Variants in SLC38A10 observed in about 807,000 individuals in gnomAD.
SLC38A10 encodes the protein solute carrier family 38 member 10.
Under a neutral mutation model 81.0 loss-of-function variants are expected in SLC38A10, and 53 were observed. That is an observed-to-expected ratio of 0.65 (90% CI 0.53 to 0.82). The LOEUF (loss-of-function observed/expected upper bound fraction) is 0.82, where lower values mean the gene tolerates loss of function less well. SLC38A10 is among the 40% of genes least tolerant of loss of function. SLC38A10 has a pLI of 0.00. For missense variants in SLC38A10, 1,471 were observed against 1,545.0 expected, an observed-to-expected ratio of 0.95 and a Z score of 0.80; for synonymous variants, 665 against 655.3, an observed-to-expected ratio of 1.01 and a Z score of -0.23.
At chr17:81,262,135 C>T (rs144852287) in intron 10 of SLC38A10, among the ~76,000 whole-genome samples, 173 of 152,276 alleles carry the variant, frequency 1.1e-3, no homozygotes, top group African/African-American at 4.0e-3. Flanking sequence ...AGGTGTGGAA[C>T]GGCCCGCCCA....
In SLC38A10 at chr17:81,276,997, C is replaced by T; in HGVS notation, c.729+34G>A. The T allele has an allele frequency of 6.3e-7, 1 of 1,597,628 alleles. No homozygotes were observed. Among genetic ancestry groups the T allele is most frequent in the Admixed American group, 1.7e-5 (1 of 59,968 alleles). On this transcript the variant is annotated intron_variant, in intron 7 of 15. Coordinates refer to ENST00000374759, the MANE Select transcript of SLC38A10 (RefSeq NM_001037984.3). The surrounding 1 kb of genome is among the most constrained non-coding windows in gnomAD (Gnocchi z 4.7). The stretch of plus-strand genomic sequence containing the variant: ...ACCACGGCACATCATGCTGGCATGA[C>T]ACAGGGGCGGAGAGGGCGTGGCAAG...
rs555293405 is a variant in SLC38A10 at position 81,252,478 on chromosome 17, C to T, written c.1662G>A (p.Gln554=). 5.0e-6 allele frequency: 8 copies of T among 1,613,382 alleles called. No individual in the cohort carries two copies. The highest frequency in any genetic ancestry group is 2.2e-5 in the East Asian group (1 of 44,888). ...DSEREKQEPE[Q]GEVGKRPGQA... ...GTCCAGGCCTCTTCCCAACCTCTCC[C>T]TGCTCCGGCTCTTGTTTCTCTCTTT... The change falls in exon 13 of 16, where the codon CAG becomes CAA. Residue 554 remains glutamine (Q), a synonymous_variant. Transcript: ENST00000374759.
In SLC38A10 at chr17:81,246,333, T is replaced by G. The variant is rs1567920054; in HGVS notation, c.2583A>C (p.Pro861=). The stretch of plus-strand genomic sequence containing the variant: ...GGCCCCCGGCTTCCCTGGCGGGGTC[T>G]GGCACGGGCACCTGCTCCGGGCCCT... ...LPKGPEQVPV[P]DPAREAGGPE... Residue 861 remains proline (P), a synonymous_variant, in exon 16 of 16, where the codon CCA becomes CCC. Coordinates refer to ENST00000374759, the MANE Select transcript of SLC38A10 (RefSeq NM_001037984.3). The G allele has an allele frequency of 6.2e-7, 1 of 1,608,608 alleles. No individual in the cohort carries two copies. Among genetic ancestry groups the G allele is most frequent in the African/African-American group, 1.3e-5 (1 of 74,910 alleles).
In SLC38A10 at chr17:81,252,276, C is replaced by T; in HGVS notation, c.1864G>A (p.Gly622Arg). ...GGTCCCCCCTTGGCCTTTTCCCCTC[C>T]ACCCACCGCCAGGCCGTTCTGCTGC... ...SEQQNGLAVG[G>R]GEKAKGGPPP... Residue 622 changes from glycine to arginine, a missense_variant, in exon 13 of 16, where the codon GGA becomes AGA. By Grantham distance (125) the Gly-to-Arg change is moderately radical (BLOSUM62 -2). Around this residue, in one of 2 missense-constraint regions of SLC38A10, gnomAD observed 751 missense variants for 717.4 expected, o/e 1.05. Coordinates refer to ENST00000374759, the MANE Select transcript of SLC38A10 (RefSeq NM_001037984.3). 1 of 1,606,302 alleles carries T rather than the reference C, an allele frequency of 6.2e-7. No individual in the cohort carries two copies. The highest frequency in any genetic ancestry group is 1.7e-5 in the Admixed American group (1 of 59,312).
intron 14 of SLC38A10, among the ~76,000 whole-genome samples, chr17:81,249,391 G>C (rs1340733878): frequency 8.6e-6 from 1 of 116,454 alleles, no homozygotes; most frequent in Non-Finnish European, 1.8e-5. Context: ...AGGAGGGAGG[G>C]AAGAGGAGGA....
At chr17:81,252,808 C>T in intron 12 of SLC38A10, 125 bp from the exon 13 acceptor site, 1 of 1,397,604 alleles carries the variant, frequency 7.2e-7, no homozygotes, top group Non-Finnish European at 9.5e-7. Flanking sequence ...ACAGATACCA[C>T]CTCCCCTGCC....
intron 2 of SLC38A10, 181 bp from the exon 3 acceptor site, chr17:81,285,076 T>C (rs2063251507): frequency 2.1e-6 from 1 of 478,954 alleles, no homozygotes; most frequent in African/African-American, 2.0e-5. Context: ...TGTCTGCAAA[T>C]GAAACTACAA....
At chr17:81,249,365 G>GAA (rs2062886079) in intron 14 of SLC38A10, among the ~76,000 whole-genome samples, 1 of 113,154 alleles carries the variant, frequency 8.8e-6, no homozygotes, top group Non-Finnish European at 2.0e-5. Flanking sequence ...AGGAGGAGGA[G>GAA]GGAGGGAAGA....
intron 6 of SLC38A10, chr17:81,280,175 GAA>G (rs2146942175): frequency 2.2e-6 from 1 of 453,664 alleles, no homozygotes; most frequent in East Asian, 7.0e-5. Context: ...GTGCCAGAGA[GAA>G]AGCAGGCTCG....
chr17:81,249,181 G>C (rs1410316142), intron 14 of SLC38A10, among the ~76,000 whole-genome samples: 1 of 137,744 alleles, frequency 7.3e-6, no homozygotes, highest in Admixed American at 7.1e-5. Flanking sequence ...GAGGAGGAAA[G>C]AGGAGACAGA....
At chr17:81,264,797 C>T (rs1426909055) in intron 10 of SLC38A10, 1 of 152,224 alleles carries the variant, frequency 6.6e-6, no homozygotes, top group African/African-American at 2.4e-5. Flanking sequence ...GGGGTCCTCT[C>T]TGGTTACAAG....
chr17:81,284,174 A>G (rs2063242197), intron 3 of SLC38A10, among the ~76,000 whole-genome samples: 1 of 152,106 alleles, frequency 6.6e-6, no homozygotes, highest in East Asian at 2.0e-4. Context: ...CCTGGCCAAC[A>G]CGGCAAAACC....
chr17:81,261,687 C>T (rs1033838380), intron 10 of SLC38A10, among the ~76,000 whole-genome samples: 8 of 152,212 alleles, frequency 5.3e-5, no homozygotes, highest in African/African-American at 1.9e-4. Context: ...GGGCTGGTGT[C>T]GGCATCTCCG....
intron 10 of SLC38A10, among the ~76,000 whole-genome samples, chr17:81,266,809 C>T (rs2063074651): frequency 6.6e-6 from 1 of 152,202 alleles, no homozygotes; most frequent in African/African-American, 2.4e-5. Context: ...TGCACATCAG[C>T]TACAGTGTAA....
Position 81,283,653 on chromosome 17 carries a change from G to A in SLC38A10, c.264-151C>T, listed in dbSNP as rs985265197. 5.4e-5 allele frequency: 29 copies of A among 534,196 alleles called. No homozygotes were observed. Among genetic ancestry groups the A allele is most frequent in the African/African-American group, 3.8e-4 (19 of 50,312 alleles). The allele number at this position is 534,196 out of a possible 1,614,324, so 33.1% of individuals were successfully genotyped here. ...TTTTGAAACAGAGTCTCACTCTGTC[G>A]CCCAGGCTGGAGTGCAATGGTGAGA... On this transcript the variant is annotated intron_variant, in intron 3 of 15. Coordinates refer to ENST00000374759, the MANE Select transcript of SLC38A10 (RefSeq NM_001037984.3). This position sits in a 1 kb window ranked among gnomAD's most constrained non-coding sequence, Gnocchi z 4.7.
intron 6 of SLC38A10, among the ~76,000 whole-genome samples, chr17:81,278,349 A>C (rs144740382): frequency 0.01 from 1,530 of 152,122 alleles, 33 homozygotes; most frequent in African/African-American, 0.035. Context: ...GCATCACTGC[A>C]CTCCAGCTTG....
In SLC38A10 at chr17:81,247,004, TG is replaced by T. The variant is rs756131666; in HGVS notation, c.2122del (p.Gln708SerfsTer18). 1.2e-6 allele frequency: 2 copies of T among 1,604,828 alleles called. No homozygotes were observed. Among genetic ancestry groups the T allele is most frequent in the Admixed American group, 3.3e-5 (2 of 59,946 alleles). On this transcript the variant is annotated frameshift_variant, in exon 15 of 16. Coordinates refer to ENST00000374759, the MANE Select transcript of SLC38A10 (RefSeq NM_001037984.3). LOFTEE classifies it high-confidence loss of function. Reference sequence around the variant, plus strand: ...CAGCAAGCGCTTTTGCTGCACCTGCTGTTCTTTGATCACCTGAAGCAGGACG... The same window carrying T: ...CAGCAAGCGCTTTTGCTGCACCTGCTTTCTTTGATCACCTGAAGCAGGACG... Reference protein sequence around the residue: ...HAVLLQVIKEQQVQQKRLLDQ... With the variant: ...HAVLLQVIKEXQVQQKRLLDQ...
At chr17:81,251,228 A>C (rs2062908119) in intron 14 of SLC38A10, 1 of 1,447,780 alleles carries the variant, frequency 6.9e-7, no homozygotes, top group Non-Finnish European at 9.3e-7. Flanking sequence ...AAGGGGAGCA[A>C]GGGAGATAAA....
At chr17:81,273,524 A>C (rs767512041) in intron 8 of SLC38A10, among the ~76,000 whole-genome samples, 4 of 152,236 alleles carry the variant, frequency 2.6e-5, no homozygotes, top group African/African-American at 4.8e-5. Flanking sequence ...CTGGGCTAGG[A>C]AACAACTGCA....
Sources: gnomAD v4.1 joint callset for allele counts (sites outside exome capture counted in the v4.1 genomes callset) on GRCh38, gnomAD v4.1.1 for gene constraint, gnomAD v4.1.1 regional missense constraint, Gnocchi (gnomAD v3.1) non-coding constraint, MANE v1.5 for transcripts, NCBI Gene and HGNC (gene_info 2026-07-23, HGNC 2026-07-21) for gene names.